The following NAALADL2 variants were observed in gnomAD, a reference collection of about 807,000 sequenced individuals.
The protein encoded by NAALADL2 is N-acetylated alpha-linked acidic dipeptidase like 2.
In NAALADL2, 76 loss-of-function variants were observed where a neutral mutation model predicts 87.2. That is an observed-to-expected ratio of 0.87 (90% CI 0.72 to 1.05). The LOEUF is 1.05. NAALADL2 is among the 50% of genes least tolerant of loss of function. NAALADL2 has a pLI of 0.00. For synonymous variants in NAALADL2, 354 were observed against 331.0 expected, an observed-to-expected ratio of 1.07 and a Z score of -0.75; for missense variants, 1,089 against 945.8, an observed-to-expected ratio of 1.15 and a Z score of -1.99.
rs1553887809 is a variant in NAALADL2, at chr3:175,412,891, T to TTTATTTATTA, written c.1091-34333_1091-34332insTATTATTATT. On this transcript the variant is annotated intron_variant, in intron 5 of 13. Transcript: ENST00000454872. ...GGAATCAGATTATTTATTTAATTTA[T>TTTATTTATTA]TTATTATTATTATTATTATTATTAT... Among the ~76,000 whole-genome samples, 71 of 123,006 alleles carry TTTATTTATTA rather than the reference T, an allele frequency of 5.8e-4. 1 individual carries two copies. In the South Asian group the frequency reaches 0.016, roughly 28 times the overall value. The allele number at this position is 123,006 out of a possible 152,430, so 80.7% of individuals were successfully genotyped here. A position where few individuals can be genotyped will look rare whatever the true frequency, so the allele number is the denominator to read the frequency against.
chr3:174,723,623 G>A (rs1190933116), intron 2 of NAALADL2, among the ~76,000 whole-genome samples: 4 of 151,822 alleles, frequency 2.6e-5, no homozygotes, highest in Admixed American at 2.6e-4. Context: ...GGGCATGGTG[G>A]CGGGCGCCTG....
At chr3:174,492,476 G>A (rs1182634353) in intron 1 of NAALADL2, among the ~76,000 whole-genome samples, 1 of 152,062 alleles carries the variant, frequency 6.6e-6, no homozygotes, top group Non-Finnish European at 1.5e-5. Flanking sequence ...ATTTAACCTT[G>A]ATGAATATAA....
At chr3:175,243,723 A>C (rs545546442) in intron 3 of NAALADL2, among the ~76,000 whole-genome samples, 2 of 151,838 alleles carry the variant, frequency 1.3e-5, no homozygotes, top group South Asian at 4.2e-4. Context: ...TGCCCACTTC[A>C]GGTCCCCTAC....
At chr3:174,997,074 C>A (rs2108745715) in intron 1 of NAALADL2, among the ~76,000 whole-genome samples, 1 of 142,972 alleles carries the variant, frequency 7.0e-6, no homozygotes, top group Non-Finnish European at 1.5e-5. Context: ...TTTTTTAATC[C>A]ACTCGTTGGT....
At chr3:174,870,141 C>T (rs1411109329) in intron 1 of NAALADL2, among the ~76,000 whole-genome samples, 3 of 151,302 alleles carry the variant, frequency 2.0e-5, no homozygotes, top group Non-Finnish European at 4.4e-5. Flanking sequence ...AGCATGTTTG[C>T]ATTTTAGGTA....
chr3:174,939,437 A>G (rs1051151377), intron 1 of NAALADL2, among the ~76,000 whole-genome samples: 9 of 151,958 alleles, frequency 5.9e-5, no homozygotes, highest in Non-Finnish European at 1.2e-4. Context: ...AAGTAGGGTA[A>G]TATGATGCCT....
intron 1 of NAALADL2, among the ~76,000 whole-genome samples, chr3:174,967,296 T>C (rs1743011585): frequency 6.6e-6 from 1 of 151,180 alleles, no homozygotes; most frequent in South Asian, 2.1e-4. Context: ...TTAAGTTGCA[T>C]GTGGCAATAA....
chr3:174,683,777 A>G (rs1727781977), intron 2 of NAALADL2, among the ~76,000 whole-genome samples: 1 of 151,956 alleles, frequency 6.6e-6, no homozygotes, highest in African/African-American at 2.4e-5. Flanking sequence ...ATGTTAATTC[A>G]ACTTGATAAT....
chr3:175,315,415 A>G (rs1759013306), intron 4 of NAALADL2, among the ~76,000 whole-genome samples: 1 of 152,220 alleles, frequency 6.6e-6, no homozygotes, highest in Admixed American at 6.5e-5. Context: ...AGGGAGAATC[A>G]TTAACTATGG....
intron 9 of NAALADL2, among the ~76,000 whole-genome samples, chr3:175,474,215 C>A (rs1003005083): frequency 1.3e-5 from 2 of 151,942 alleles, no homozygotes; most frequent in African/African-American, 4.8e-5. Context: ...ATATCTAATC[C>A]TTTGTATAGC....
chr3:175,663,805 G>C (rs1420393345), intron 11 of NAALADL2, among the ~76,000 whole-genome samples: 2 of 151,784 alleles, frequency 1.3e-5, no homozygotes, highest in Non-Finnish European at 2.9e-5. Context: ...TGAAAATTTG[G>C]ATTGGTGGTA....
chr3:175,202,798 G>A (rs1247995537), intron 2 of NAALADL2, among the ~76,000 whole-genome samples: 2 of 152,048 alleles, frequency 1.3e-5, no homozygotes, highest in Non-Finnish European at 2.9e-5. Context: ...TGCTGTGGCT[G>A]CTCTGGGGGA....
At chr3:175,254,855 A>T (rs1749657855) in intron 3 of NAALADL2, among the ~76,000 whole-genome samples, 1 of 152,220 alleles carries the variant, frequency 6.6e-6, no homozygotes, top group South Asian at 2.1e-4. Context: ...TTATAATGAA[A>T]ATCATTCTGA....
At chr3:175,645,521 T>C (rs576948567) in intron 11 of NAALADL2, among the ~76,000 whole-genome samples, 1 of 152,130 alleles carries the variant, frequency 6.6e-6, no homozygotes, top group South Asian at 2.1e-4. Flanking sequence ...AAATTTTTCC[T>C]GGGGGGCATT....
At chr3:175,439,219 A>G (rs541294248) in intron 5 of NAALADL2, among the ~76,000 whole-genome samples, 1 of 152,212 alleles carries the variant, frequency 6.6e-6, no homozygotes, top group East Asian at 1.9e-4. Flanking sequence ...CGTGGTATAC[A>G]CATACCATAT....
intron 11 of NAALADL2, among the ~76,000 whole-genome samples, chr3:175,713,066 TTAA>T (rs796538472): frequency 7.2e-5 from 11 of 152,208 alleles, no homozygotes; most frequent in African/African-American, 2.4e-4. Flanking sequence ...TAGACACAAT[TTAA>T]TAATAATTTC....
chr3:174,997,986 T>A (rs530661528), intron 1 of NAALADL2, among the ~76,000 whole-genome samples: 116 of 152,258 alleles, frequency 7.6e-4, no homozygotes, highest in African/African-American at 2.7e-3. Context: ...TTCCTTCGTG[T>A]TTTTTACTCT....
intron 1 of NAALADL2, among the ~76,000 whole-genome samples, chr3:175,093,247 C>T (rs959673757): frequency 2.0e-5 from 3 of 151,410 alleles, no homozygotes; most frequent in African/African-American, 7.3e-5. Context: ...TTTGAAGCTT[C>T]TGATAAAAAG....
chr3:175,376,106 T>C (rs1326666281), intron 5 of NAALADL2, among the ~76,000 whole-genome samples: 1 of 152,178 alleles, frequency 6.6e-6, no homozygotes, highest in East Asian at 1.9e-4. Flanking sequence ...ATAGACCAGA[T>C]TATATATTGT....
Sources: gnomAD v4.1 joint callset for allele counts (sites outside exome capture counted in the v4.1 genomes callset) on GRCh38, gnomAD v4.1.1 for gene constraint, MANE v1.5 for transcripts, NCBI Gene and HGNC (gene_info 2026-07-23, HGNC 2026-07-21) for gene names.